Variants in SV2C observed in about 807,000 individuals in gnomAD.
SV2C encodes the protein solute carrier family 22 member B3.
Under a neutral mutation model 79.7 loss-of-function variants are expected in SV2C, and 49 were observed. That is an observed-to-expected ratio of 0.61 (90% CI 0.49 to 0.78). The LOEUF (loss-of-function observed/expected upper bound fraction) is 0.78, where lower values mean the gene tolerates loss of function less well. Ranked by LOEUF, SV2C falls within the 30% of genes least tolerant of loss-of-function variation. SV2C has a pLI of 0.00. For synonymous variants in SV2C, 334 were observed against 333.2 expected (o/e 1.00, Z -0.03); for missense variants, 833 against 912.9 (o/e 0.91, Z 1.13).
chr5:76,015,059 G>A, the SV2C span, among the ~76,000 whole-genome samples: 128 of 152,238 alleles, frequency 8.4e-4, no homozygotes, highest in East Asian at 6.2e-3. Context: ...TAAGGTTGGG[G>A]TCATGTGAAT....
the SV2C span, among the ~76,000 whole-genome samples, chr5:76,048,937 G>C: frequency 1.7e-5 from 2 of 117,474 alleles, no homozygotes; most frequent in African/African-American, 7.3e-5. Flanking sequence ...AAGAGAAAAG[G>C]AAAGAAAGAA....
chr5:76,255,889 TG>T (rs1561285577), intron 4 of SV2C, among the ~76,000 whole-genome samples: 1 of 152,284 alleles, frequency 6.6e-6, no homozygotes, highest in Non-Finnish European at 1.5e-5. Flanking sequence ...TCAGCCCTTC[TG>T]GGGGAAGAGG....
chr5:76,016,600 A>T, the SV2C span, among the ~76,000 whole-genome samples: 1 of 152,190 alleles, frequency 6.6e-6, no homozygotes, highest in Non-Finnish European at 1.5e-5. Flanking sequence ...TTTCATCTGT[A>T]AAATGGTATA....
At chr5:76,194,132 G>T (rs1024367963) in intron 2 of SV2C, among the ~76,000 whole-genome samples, 2 of 152,140 alleles carry the variant, frequency 1.3e-5, no homozygotes, top group African/African-American at 4.8e-5. Context: ...CTGGGTGGGG[G>T]CAGTTCTGAA....
chr5:76,209,697 C>T, intron 3 of SV2C, 39 bp from the exon 4 acceptor site: 1 of 1,599,858 alleles, frequency 6.3e-7, no homozygotes, highest in South Asian at 1.1e-5. Flanking sequence ...ATGAGCTGTC[C>T]ACACCCTGAT....
At chr5:76,199,424 G>C (rs1480920039) in intron 3 of SV2C, among the ~76,000 whole-genome samples, 1 of 152,170 alleles carries the variant, frequency 6.6e-6, no homozygotes, top group East Asian at 1.9e-4. Flanking sequence ...TCTTCTCCCA[G>C]GGCCCTCCCA....
the SV2C span, among the ~76,000 whole-genome samples, chr5:75,852,974 TA>T: frequency 6.6e-6 from 1 of 152,124 alleles, no homozygotes; most frequent in Non-Finnish European, 1.5e-5. Flanking sequence ...CACAACAATT[TA>T]AAAACTTACC....
chr5:76,017,459 T>G, the SV2C span, among the ~76,000 whole-genome samples: 1 of 152,136 alleles, frequency 6.6e-6, no homozygotes, highest in African/African-American at 2.4e-5. Context: ...GCTAATTTTT[T>G]GTATTTTTAG....
At chr5:76,063,309 C>T in the SV2C span, among the ~76,000 whole-genome samples, 1 of 152,090 alleles carries the variant, frequency 6.6e-6, no homozygotes, top group Admixed American at 6.6e-5. Context: ...CCTCATTTTC[C>T]TTGCGGCAAA....
At chr5:75,913,164 G>A in the SV2C span, among the ~76,000 whole-genome samples, 2 of 152,182 alleles carry the variant, frequency 1.3e-5, no homozygotes, top group Admixed American at 6.5e-5. Context: ...CTCTCCAAAT[G>A]ATAGTGTTCT....
chr5:76,281,397 TAAA>T (rs745421752), intron 4 of SV2C: 1,284 of 181,606 alleles, frequency 7.1e-3, no homozygotes, highest in South Asian at 0.014. Context: ...TTATGCAAAG[TAAA>T]AAAAAAAAAA....
intron 7 of SV2C, among the ~76,000 whole-genome samples, 178 bp downstream of exon 7, chr5:76,291,509 T>G (rs1403360359): frequency 6.6e-6 from 1 of 152,154 alleles, no homozygotes; most frequent in Non-Finnish European, 1.5e-5. Context: ...AGCCAATACA[T>G]TCCATCTGTG....
At chr5:75,877,598 CAA>C in the SV2C span, among the ~76,000 whole-genome samples, 1,787 of 133,132 alleles carry the variant, frequency 0.013, 18 homozygotes, top group South Asian at 0.024. Flanking sequence ...AAATCAATAG[CAA>C]AAAAAAAAAA....
chr5:75,964,913 G>A, the SV2C span, among the ~76,000 whole-genome samples: 1 of 152,050 alleles, frequency 6.6e-6, no homozygotes, highest in African/African-American at 2.4e-5. Context: ...TAAACTAGTT[G>A]AGAGAAAAAG....
the SV2C span, among the ~76,000 whole-genome samples, chr5:76,069,869 C>T: frequency 1.3e-5 from 2 of 151,450 alleles, no homozygotes; most frequent in Non-Finnish European, 2.9e-5. Context: ...AACACACACA[C>T]ACACACACCC....
At chr5:76,320,153 C>CTTT (rs34287027) in intron 12 of SV2C, among the ~76,000 whole-genome samples, 18 of 135,548 alleles carry the variant, frequency 1.3e-4, no homozygotes, top group African/African-American at 4.3e-4. Flanking sequence ...TCTCGTCTTC[C>CTTT]TTTTTTTTTT....
intron 4 of SV2C, among the ~76,000 whole-genome samples, chr5:76,237,043 C>T (rs112411171): frequency 0.044 from 6,757 of 152,248 alleles, 480 homozygotes; most frequent in African/African-American, 0.15. Flanking sequence ...CCTTTGCCTT[C>T]AATCATGATT....
the SV2C span, among the ~76,000 whole-genome samples, chr5:75,999,152 A>C: frequency 6.6e-6 from 1 of 152,092 alleles, no homozygotes; most frequent in Non-Finnish European, 1.5e-5. Flanking sequence ...AGCATGGGAA[A>C]GACTTGCCCC....
chr5:76,240,763 C>G (rs756119600), intron 4 of SV2C, among the ~76,000 whole-genome samples: 40 of 151,944 alleles, frequency 2.6e-4, no homozygotes, highest in Non-Finnish European at 5.2e-4. Context: ...TTGGGGAAAC[C>G]AAACTAAGAC....
Sources: gnomAD v4.1 joint callset for allele counts (sites outside exome capture counted in the v4.1 genomes callset) on GRCh38, gnomAD v4.1.1 for gene constraint, MANE v1.5 for transcripts, NCBI Gene and HGNC (gene_info 2026-07-23, HGNC 2026-07-21) for gene names.